Variants in SYT10 observed in about 807,000 individuals in gnomAD.
The protein encoded by SYT10 is synaptotagmin-10.
SYT10 carries 31 observed loss-of-function variants against 51.1 expected under a neutral mutation model. The observed-to-expected ratio is 0.61, with a 90% confidence interval of 0.46 to 0.82. SYT10 has a LOEUF of 0.82. Ranked by LOEUF, SYT10 falls within the 40% of genes least tolerant of loss-of-function variation. SYT10 has a pLI of 0.00. For missense variants in SYT10, 603 were observed against 634.0 expected (o/e 0.95, Z 0.53); for synonymous variants, 233 against 225.9 (o/e 1.03, Z -0.28).
intron 3 of SYT10, among the ~76,000 whole-genome samples, chr12:33,402,319 C>T (rs1004157517): frequency 6.6e-6 from 1 of 152,190 alleles, no homozygotes; most frequent in Admixed American, 6.5e-5. Context: ...TGAAAACATG[C>T]TACAGTCTTA....
chr12:33,416,842 AGAG>A (rs1359525836), intron 2 of SYT10, among the ~76,000 whole-genome samples: 2 of 152,162 alleles, frequency 1.3e-5, no homozygotes, highest in Admixed American at 6.6e-5. Flanking sequence ...CAAGCATCAG[AGAG>A]GAGGATTCTT....
At chr12:33,423,856 T>G in intron 2 of SYT10, 1 of 428,090 alleles carries the variant, frequency 2.3e-6, no homozygotes, top group South Asian at 1.7e-5. Flanking sequence ...AATTTTTAAA[T>G]CTCTCTGGGT....
At chr12:33,380,927 A>T (rs1866109209) in intron 5 of SYT10, among the ~76,000 whole-genome samples, 1 of 152,116 alleles carries the variant, frequency 6.6e-6, no homozygotes, top group Non-Finnish European at 1.5e-5. Context: ...TCCATCATTG[A>T]TGTAGATATG....
At chr12:33,383,801 T>C (rs1211756402) in intron 4 of SYT10, among the ~76,000 whole-genome samples, 3 of 152,126 alleles carry the variant, frequency 2.0e-5, no homozygotes, top group Admixed American at 2.0e-4. Flanking sequence ...GAGGAGGTGC[T>C]CTCAAAGCAT....
rs149119074 is a variant in SYT10, at chr12:33,381,936, G to C, written c.1370+413C>G. 1.4e-4 allele frequency among the ~76,000 whole-genome samples: 22 copies of C among 152,290 alleles called. No individual in the cohort carries two copies. The East Asian group carries it at 3.7e-3, about 25-fold the overall frequency. ...CTTAAGTTTTACAAATGGGAAAAGT[G>C]ATTCTCAAAGTGATTATGTAACATG... On this transcript the variant is annotated intron_variant, in intron 5 of 6. Transcript: ENST00000228567.
rs1328128737 is a variant in SYT10, at chr12:33,406,879, C to A, written c.987G>T (p.Met329Ile). Residue 329 changes from methionine (M) to isoleucine (I), a missense_variant, in exon 3 of 7, where the codon ATG (methionine) becomes ATT (isoleucine). Physicochemically the swap from Met to Ile is conservative, Grantham distance 10. Transcript: ENST00000228567. ...AATTATCAAGAATCACTTCCCCAATCATGTCATGTCTAGAAAATCTGTCAA... is the reference window on the plus strand; with the variant it reads ...AATTATCAAGAATCACTTCCCCAATAATGTCATGTCTAGAAAATCTGTCAA... ...YDFDRFSRHD[M>I]IGEVILDNLF... The A allele has an allele frequency of 6.2e-7, 1 of 1,614,072 alleles. No homozygotes were observed. Among genetic ancestry groups the A allele is most frequent in the South Asian group, 1.1e-5 (1 of 91,080 alleles).
chr12:33,412,589 C>T (rs1291368006), intron 2 of SYT10, among the ~76,000 whole-genome samples: 3 of 151,962 alleles, frequency 2.0e-5, no homozygotes, highest in Non-Finnish European at 2.9e-5. Context: ...TGGTAAAAAC[C>T]GCAATTACTT....
chr12:33,379,711 T>C, intron 6 of SYT10, 121 bp downstream of exon 6: 1 of 1,326,694 alleles, frequency 7.5e-7, no homozygotes, highest in Non-Finnish European at 1.0e-6. Flanking sequence ...GCAAGAACAA[T>C]CTTTTCTATT....
intron 1 of SYT10, among the ~76,000 whole-genome samples, chr12:33,436,170 T>C (rs1866636076): frequency 6.6e-6 from 1 of 152,136 alleles, no homozygotes; most frequent in Admixed American, 6.5e-5. Context: ...AATTAAGGAG[T>C]AATCAGAAAT....
At chr12:33,397,946 C>T (rs1292986884) in intron 3 of SYT10, among the ~76,000 whole-genome samples, 1 of 152,028 alleles carries the variant, frequency 6.6e-6, no homozygotes, top group Non-Finnish European at 1.5e-5. Flanking sequence ...GCAGAGAAGT[C>T]ATACAGGAGA....
Position 33,379,976 on chromosome 12 carries a change from A to C in SYT10, c.1371-15T>G, listed in dbSNP as rs758783637. Reference sequence around the variant, plus strand: ...TGTGTCCTACCCTATGATTTGTGGGATATTATATTTTCATTTCCAACATTC... The same window carrying C: ...TGTGTCCTACCCTATGATTTGTGGGCTATTATATTTTCATTTCCAACATTC... On this transcript the variant is annotated splice_polypyrimidine_tract_variant and intron_variant, in intron 5 of 6. Coordinates refer to ENST00000228567, the MANE Select transcript of SYT10 (RefSeq NM_198992.4). 1.9e-6 allele frequency: 3 copies of C among 1,583,492 alleles called. No individual in the cohort carries two copies. Among genetic ancestry groups the C allele is most frequent in the Non-Finnish European group, 2.6e-6 (3 of 1,164,410 alleles).
At chr12:33,413,024 T>C (rs1866421241) in intron 2 of SYT10, among the ~76,000 whole-genome samples, 1 of 152,210 alleles carries the variant, frequency 6.6e-6, no homozygotes, top group South Asian at 2.1e-4. Flanking sequence ...GCACGAGAAC[T>C]ACGTGACAAA....
chr12:33,434,942 G>A (rs556429078), intron 1 of SYT10, among the ~76,000 whole-genome samples: 7 of 152,322 alleles, frequency 4.6e-5, no homozygotes, highest in Admixed American at 3.3e-4. Context: ...TGTGTACAAC[G>A]TTAGTGGAAT....
intron 1 of SYT10, among the ~76,000 whole-genome samples, chr12:33,428,027 A>T (rs1866566856): frequency 6.6e-6 from 1 of 152,214 alleles, no homozygotes; most frequent in African/African-American, 2.4e-5. Flanking sequence ...GGAAGAGGAA[A>T]CACTAGTTAA....
chr12:33,376,787 C>T lies in SYT10; in HGVS notation c.*43G>A, dbSNP rs550736858. 439 of 1,608,316 alleles carry T rather than the reference C, an allele frequency of 2.7e-4. 3 individuals carry two copies. In the Admixed American group the frequency reaches 6.7e-3, roughly 25 times the overall value. Reference sequence around the variant, plus strand: ...CACTTTTTTTCTGATTCAATGAGCACGTGATCCTAGATGCTTAATATCATG... The same window carrying T: ...CACTTTTTTTCTGATTCAATGAGCATGTGATCCTAGATGCTTAATATCATG... On this transcript the variant is annotated 3_prime_UTR_variant, in exon 7 of 7. Transcript: ENST00000228567.
intron 2 of SYT10, 36 bp downstream of exon 2, chr12:33,426,100 GCA>G (rs760307393): frequency 1.5e-5 from 16 of 1,054,318 alleles, no homozygotes; most frequent in East Asian, 8.6e-5. Flanking sequence ...ACACACACAC[GCA>G]CACACACCAG....
chr12:33,421,043 T>C (rs897886487), intron 2 of SYT10, among the ~76,000 whole-genome samples: 23 of 152,188 alleles, frequency 1.5e-4, no homozygotes, highest in Admixed American at 4.6e-4. Context: ...TAATTTCAAT[T>C]TTTGCTATCT....
intron 2 of SYT10, among the ~76,000 whole-genome samples, chr12:33,416,184 A>T (rs1866452057): frequency 6.6e-6 from 1 of 151,484 alleles, no homozygotes; most frequent in Non-Finnish European, 1.5e-5. Flanking sequence ...TGGTTCAAGC[A>T]ATTCCCTTGC....
chr12:33,420,103 G>A (rs1866489129), intron 2 of SYT10, among the ~76,000 whole-genome samples: 1 of 152,050 alleles, frequency 6.6e-6, no homozygotes, highest in Non-Finnish European at 1.5e-5. Context: ...CTACAACCAG[G>A]TTCATGTACC....
Sources: gnomAD v4.1 joint callset for allele counts (sites outside exome capture counted in the v4.1 genomes callset) on GRCh38, gnomAD v4.1.1 for gene constraint, MANE v1.5 for transcripts, NCBI Gene and HGNC (gene_info 2026-07-23, HGNC 2026-07-21) for gene names.